SETX: variants seen among roughly 807,000 people sequenced by gnomAD.
SETX encodes the protein helicase senataxin.
In SETX, 90 loss-of-function variants were observed where a neutral mutation model predicts 227.2. The observed-to-expected ratio is 0.40, with a 90% CI of 0.33 to 0.47. The LOEUF (loss-of-function observed/expected upper bound fraction) is 0.47, where lower values mean the gene tolerates loss of function less well. SETX is among the 20% of genes least tolerant of loss of function. SETX has a pLI of 0.91. For synonymous variants in SETX, 1,210 were observed against 1,113.2 expected (o/e 1.09, Z -1.73); for missense variants, 3,052 against 3,181.5 (o/e 0.96, Z 0.98).
chr9:132,345,571 G>C (rs1042406218), intron 4 of SETX, among the ~76,000 whole-genome samples: 1 of 152,106 alleles, frequency 6.6e-6, no homozygotes, highest in African/African-American at 2.4e-5. Flanking sequence ...ACCATGCCCG[G>C]CGAGAATGAA....
At chr9:132,272,727 A>G (rs1375154316) in intron 23 of SETX, among the ~76,000 whole-genome samples, 1 of 152,266 alleles carries the variant, frequency 6.6e-6, no homozygotes, top group Non-Finnish European at 1.5e-5. Context: ...TGAGTTTCAC[A>G]TAAATGGAAT....
chr9:132,264,687 CT>C lies in SETX; in HGVS notation c.7585del (p.Arg2529AspfsTer14), dbSNP rs1457817950. 1 of 1,614,062 alleles carries C rather than the reference CT, an allele frequency of 6.2e-7. No individual in the cohort carries two copies. Among genetic ancestry groups the C allele is most frequent in the Non-Finnish European group, 8.5e-7 (1 of 1,180,044 alleles). ...TLTVTSKDPE[R>X]PPVHDQLQDP... ...CTGAAGTTGGTCATGAACAGGAGGT[CT>C]TTCAGGGTCCTTTGAAGTAACAGTA... On this transcript the variant is annotated frameshift_variant, in exon 26 of 26. Coordinates refer to ENST00000224140, the MANE Select transcript of SETX (RefSeq NM_015046.7). LOFTEE classifies it low-confidence loss of function (END_TRUNC).
chr9:132,290,600 A>AAT (rs1491069589), intron 15 of SETX, among the ~76,000 whole-genome samples: 20 of 149,074 alleles, frequency 1.3e-4, no homozygotes, highest in African/African-American at 4.5e-4. Flanking sequence ...AAAAAAAAAA[A>AAT]ATTCACCACT....
At chr9:132,356,025 G>C (rs544867798), upstream of SETX, among the ~76,000 whole-genome samples, 4 of 150,900 alleles carry the variant, frequency 2.7e-5, no homozygotes, top group African/African-American at 9.7e-5. Context: ...AGCACCTGTG[G>C]GCCCAGCTTG....
At chr9:132,319,321 C>T (rs193106176) in intron 10 of SETX, among the ~76,000 whole-genome samples, 4 of 152,284 alleles carry the variant, frequency 2.6e-5, no homozygotes, top group East Asian at 1.9e-4. Flanking sequence ...GATTACTCTC[C>T]ACAGCAACAG....
intron 15 of SETX, among the ~76,000 whole-genome samples, chr9:132,290,260 G>A (rs1480161641): frequency 4.0e-5 from 6 of 150,848 alleles, no homozygotes; most frequent in Admixed American, 1.3e-4. Context: ...TTTTTCCCAC[G>A]TGTTATTATT....
chr9:132,264,414 C>T lies in SETX; in HGVS notation c.7859G>A (p.Ser2620Asn). ...CTCCTCTTCCGGGTCATCACATTTG[C>T]TCTGACACGTGGAAGCCTCGGGACT... ...AASPEASTCQ[S>N]KCDDPEEELC... Residue 2620 changes from serine to asparagine, a missense_variant, in exon 26 of 26, where the codon AGC becomes AAC. By Grantham distance (46) the Ser-to-Asn change is conservative. Transcript: ENST00000224140. 6.2e-7 allele frequency: 1 copy of T among 1,614,138 alleles called. No individual in the cohort carries two copies. Among genetic ancestry groups the T allele is most frequent in the Non-Finnish European group, 8.5e-7 (1 of 1,180,026 alleles).
At chr9:132,313,050 C>T (rs932528235) in intron 10 of SETX, among the ~76,000 whole-genome samples, 4 of 152,044 alleles carry the variant, frequency 2.6e-5, no homozygotes, top group Non-Finnish European at 4.4e-5. Flanking sequence ...TATAGACAGA[C>T]GAGAGATTAG....
At chr9:132,276,148 G>A (rs1843151097) in intron 22 of SETX, among the ~76,000 whole-genome samples, 2 of 152,048 alleles carry the variant, frequency 1.3e-5, no homozygotes, top group African/African-American at 2.4e-5. Context: ...CTTGCTTTAC[G>A]AGCCTTAAAT....
rs569757584 is a variant in SETX at position 132,328,489 on chromosome 9, C to G, written c.3109G>C (p.Asp1037His). 8.1e-6 allele frequency: 13 copies of G among 1,613,778 alleles called. No individual in the cohort carries two copies. Among genetic ancestry groups the G allele is most frequent in the Non-Finnish European group, 1.0e-5 (12 of 1,179,982 alleles). The change falls in exon 10 of 26, where the codon GAC (aspartate) becomes CAC (histidine). Residue 1037 changes from aspartate to histidine, a missense_variant. By Grantham distance (81) the Asp-to-His change is moderately conservative (BLOSUM62 -1). This residue lies in a region of SETX where 1,483 missense variants were observed against 1,312.0 expected (regional missense o/e 1.13). Transcript: ENST00000224140. ...ILSLEKLTKQ[D>H]KICLEREHPE... ...TGTTCCCTCTCAAGGCATATTTTGT[C>G]CTGTTTAGTGAGTTTCTCAAGACTC...
chr9:132,343,620 T>C (rs1165075503), intron 4 of SETX, among the ~76,000 whole-genome samples: 2 of 152,330 alleles, frequency 1.3e-5, no homozygotes, highest in South Asian at 4.1e-4. Flanking sequence ...ATTTTCAATA[T>C]CATAGTTTTT....
rs1445980505 is a variant in SETX, at chr9:132,264,632, A to C, written c.7641T>G (p.Ile2547Met). ...QDPRLLKRMG[I>M]EVKGGIFLWD... ...AAAGGAATATTCCTCCTTTGACCTCAATGCCCATCCTCTTCAGCAGTCGTG... is the reference window on the plus strand; with the variant it reads ...AAAGGAATATTCCTCCTTTGACCTCCATGCCCATCCTCTTCAGCAGTCGTG... The change falls in exon 26 of 26, where the codon ATT (isoleucine) becomes ATG (methionine). Residue 2547 changes from isoleucine to methionine, a missense_variant. Around this residue, in one of 10 missense-constraint regions of SETX, gnomAD observed 294 missense variants for 278.8 expected, o/e 1.05. Coordinates refer to ENST00000224140, the MANE Select transcript of SETX (RefSeq NM_015046.7). The C allele has an allele frequency of 5.0e-6, 8 of 1,614,096 alleles. No individual in the cohort carries two copies. The highest frequency in any genetic ancestry group is 6.8e-6 in the Non-Finnish European group (8 of 1,180,020).
At position 132,277,789 on chromosome 9, in the gene SETX, C is replaced by CAAAAA. The variant is rs372125008; in HGVS notation, c.6842+276_6842+280dup. Among the ~76,000 whole-genome samples the CAAAAA allele has an allele frequency of 8.5e-4, 58 of 68,074 alleles. 1 individual carries two copies. The highest frequency in any genetic ancestry group is 2.0e-3 in the East Asian group (4 of 1,976). 44.7% of individuals were successfully genotyped at this position (68,074 alleles called of 152,430 possible). A position where few individuals can be genotyped will look rare whatever the true frequency, so the allele number is the denominator to read the frequency against. ...GAGTGACAGAATGAGACCCTGTCTT[C>CAAAAA]AAAAAAAAAAAAAAAAAAAAAAAGG... On this transcript the variant is annotated intron_variant, in intron 21 of 25. Transcript: ENST00000224140.
intron 21 of SETX, 107 bp downstream of exon 21, chr9:132,277,963 T>A: frequency 1.8e-6 from 2 of 1,094,174 alleles, no homozygotes; most frequent in Non-Finnish European, 2.8e-6. Flanking sequence ...TAACCCTTCA[T>A]GATTTATGCT....
At chr9:132,277,789 C>CAAAAAAAAAAA (rs372125008) in intron 21 of SETX, among the ~76,000 whole-genome samples, 1 of 68,096 alleles carries the variant, frequency 1.5e-5, no homozygotes, top group East Asian at 5.1e-4. Context: ...ACCCTGTCTT[C>CAAAAAAAAAAA]AAAAAAAAAA....
rs568775858 is a variant in SETX, at chr9:132,302,761, C to CTT, written c.5375-1960_5375-1959dup. ...TAAAACTGATGACAATAAAAAGAAA[C>CTT]TTTTTACAAAGAACAAAACTGAAAG... is the stretch of plus-strand genomic sequence containing the variant. On this transcript the variant is annotated intron_variant, in intron 11 of 25. Transcript: ENST00000224140. Among the ~76,000 whole-genome samples, 34 of 118,854 alleles carry CTT rather than the reference C, an allele frequency of 2.9e-4. No homozygotes were observed. The East Asian group carries it at 9.0e-3, about 31-fold the overall frequency. The allele number at this position is 118,854 out of a possible 152,430, so 78.0% of individuals were successfully genotyped here. A position where few individuals can be genotyped will look rare whatever the true frequency, so the allele number is the denominator to read the frequency against.
Position 132,329,251 on chromosome 9 carries a change from G to C in SETX, c.2347C>G (p.Gln783Glu). Reference protein sequence around the residue: ...AKTSKRKTKVQKDEICAKLSH... With the variant: ...AKTSKRKTKVEKDEICAKLSH... ...AACTTTGCACAGATTTCATCTTTCT[G>C]TACCTTAGTTTTTCGTTTTGAGGTT... Residue 783 changes from glutamine (Q) to glutamate (E), a missense_variant, in exon 10 of 26, where the codon CAG (glutamine) becomes GAG (glutamate). This residue lies in a region of SETX where 1,483 missense variants were observed against 1,312.0 expected (regional missense o/e 1.13). Transcript: ENST00000224140. The C allele has an allele frequency of 6.2e-7, 1 of 1,613,824 alleles. No individual in the cohort carries two copies.
chr9:132,288,682 T>A, intron 15 of SETX, 31 bp from the exon 16 acceptor site: 1 of 1,363,726 alleles, frequency 7.3e-7, no homozygotes, highest in Non-Finnish European at 1.0e-6. Context: ...TAAGGACTAA[T>A]AAGGACACTG....
chr9:132,339,288 G>A (rs913948958), intron 5 of SETX, among the ~76,000 whole-genome samples: 2 of 152,064 alleles, frequency 1.3e-5, no homozygotes, highest in African/African-American at 4.8e-5. Flanking sequence ...TTCGAACCCA[G>A]CCTGGGCAAC....
Sources: gnomAD v4.1 joint callset for allele counts (sites outside exome capture counted in the v4.1 genomes callset) on GRCh38, gnomAD v4.1.1 for gene constraint, gnomAD v4.1.1 regional missense constraint, MANE v1.5 for transcripts, NCBI Gene and HGNC (gene_info 2026-07-23, HGNC 2026-07-21) for gene names.